The following NAP1L1 variants were observed in gnomAD, a reference collection of about 807,000 sequenced individuals.
NAP1L1 encodes nucleosome assembly protein 1-like 1.
Under a neutral mutation model 58.9 loss-of-function variants are expected in NAP1L1, and 9 were observed. That is an observed-to-expected ratio of 0.15 (90% confidence interval 0.09 to 0.27). The LOEUF is 0.27. Among genes scored for constraint, NAP1L1 ranks in the 10% least tolerant of loss-of-function variants. The pLI is 1.00. For missense variants in NAP1L1, 302 were observed against 458.8 expected, an observed-to-expected ratio of 0.66 and a Z score of 3.12; for synonymous variants, 130 against 138.3, an observed-to-expected ratio of 0.94 and a Z score of 0.42.
chr12:76,077,094 T>C (rs1195046491), intron 1 of NAP1L1, among the ~76,000 whole-genome samples: 1 of 152,222 alleles, frequency 6.6e-6, no homozygotes, highest in Non-Finnish European at 1.5e-5. Context: ...CTTCCAAATT[T>C]AAATTTTTGT....
chr12:76,059,926 A>G, intron 5 of NAP1L1, 48 bp from the exon 6 acceptor site: 1 of 1,413,490 alleles, frequency 7.1e-7, no homozygotes, highest in Non-Finnish European at 9.8e-7. Flanking sequence ...CTGGCATCCA[A>G]GCTAAAACCA....
intron 6 of NAP1L1, chr12:76,059,554 T>C: frequency 2.4e-6 from 1 of 420,394 alleles, no homozygotes; most frequent in Non-Finnish European, 4.2e-6. Flanking sequence ...TTTAAACTGC[T>C]GTGGACACTT....
chr12:76,058,549 G>A (rs1949249009), intron 6 of NAP1L1, among the ~76,000 whole-genome samples: 1 of 151,904 alleles, frequency 6.6e-6, no homozygotes, highest in African/African-American at 2.4e-5. Flanking sequence ...TCCACACCCA[G>A]CTAATATTTT....
intron 1 of NAP1L1, among the ~76,000 whole-genome samples, chr12:76,083,553 G>C (rs34377685): frequency 0.17 from 25,913 of 150,026 alleles, 2,380 homozygotes; most frequent in South Asian, 0.31. Context: ...GGTTGGACAA[G>C]CTTGGTTTAG....
At chr12:76,065,518 A>C (rs1364559905) in intron 4 of NAP1L1, among the ~76,000 whole-genome samples, 1 of 102,596 alleles carries the variant, frequency 9.7e-6, no homozygotes, top group African/African-American at 3.7e-5. Flanking sequence ...AAGTTACTGG[A>C]TACAAGAGCA....
intron 13 of NAP1L1, 141 bp downstream of exon 13, chr12:76,049,615 G>A (rs1948728385): frequency 2.0e-6 from 3 of 1,511,568 alleles, no homozygotes; most frequent in East Asian, 2.4e-5. Context: ...TTGTTTGGCT[G>A]TAGAATTCTA....
Position 76,044,130 on chromosome 12 carries a change from C to A in NAP1L1, c.*4299G>T. 6.6e-6 allele frequency: 1 copy of A among 152,208 alleles called. No individual in the cohort carries two copies. The highest frequency in any genetic ancestry group is 1.5e-5 in the Non-Finnish European group (1 of 68,084). 9.4% of individuals were successfully genotyped at this position (152,208 alleles called of 1,614,324 possible). On this transcript the variant is annotated 3_prime_UTR_variant, in exon 15 of 15. Coordinates refer to ENST00000618691, the MANE Select transcript of NAP1L1 (RefSeq NM_004537.7). ...CAGCCTGGCCAACATGGTGAAAACCCATCTCTACTAAAAGTACAAAAATCA... is the reference window on the plus strand; with the variant it reads ...CAGCCTGGCCAACATGGTGAAAACCAATCTCTACTAAAAGTACAAAAATCA...
At chr12:76,076,445 A>C (rs1327995154) in intron 1 of NAP1L1, among the ~76,000 whole-genome samples, 1 of 151,882 alleles carries the variant, frequency 6.6e-6, no homozygotes, top group Non-Finnish European at 1.5e-5. Context: ...GGAATATGCA[A>C]AAATGGAATG....
chr12:76,083,491 A>C (rs1442027691), intron 1 of NAP1L1, among the ~76,000 whole-genome samples: 2 of 151,530 alleles, frequency 1.3e-5, no homozygotes, highest in East Asian at 1.9e-4. Flanking sequence ...AAAAAAAAAA[A>C]AAAACCTCAT....
In NAP1L1 at chr12:76,068,899, A is replaced by C. The variant is rs1949817791; in HGVS notation, c.103+10T>G. 1 of 1,593,622 alleles carries C rather than the reference A, an allele frequency of 6.3e-7. No individual in the cohort carries two copies. Among genetic ancestry groups the C allele is most frequent in the East Asian group, 2.2e-5 (1 of 44,724 alleles). The stretch of plus-strand genomic sequence containing the variant: ...CAATCACTGGCTCCTGAAGTAATTT[A>C]AAGTAATACCTTTGAGTTTTGTTTC... On this transcript the variant is annotated intron_variant, in intron 3 of 14. Coordinates refer to ENST00000618691, the MANE Select transcript of NAP1L1 (RefSeq NM_004537.7).
At chr12:76,070,677 G>T (rs1238650760) in intron 2 of NAP1L1, among the ~76,000 whole-genome samples, 1 of 152,092 alleles carries the variant, frequency 6.6e-6, no homozygotes, top group Non-Finnish European at 1.5e-5. Flanking sequence ...CATCAGCAGA[G>T]TTGAGTACAG....
intron 1 of NAP1L1, among the ~76,000 whole-genome samples, chr12:76,076,608 G>C (rs1041036709): frequency 8.3e-6 from 1 of 121,166 alleles, no homozygotes; most frequent in Non-Finnish European, 1.8e-5. Flanking sequence ...ACTCATATAC[G>C]CACATACTTT....
chr12:76,052,021 A>T (rs533765122), intron 11 of NAP1L1, among the ~76,000 whole-genome samples: 158 of 152,158 alleles, frequency 1.0e-3, no homozygotes, highest in African/African-American at 3.1e-3. Flanking sequence ...CTCAAAAAAA[A>T]AATAATAATA....
intron 12 of NAP1L1, 59 bp from the exon 13 acceptor site, chr12:76,049,844 A>G: frequency 1.9e-6 from 3 of 1,572,026 alleles, no homozygotes; most frequent in Non-Finnish European, 2.6e-6. Context: ...TCAGAGTAGC[A>G]TCAGTAACAT....
chr12:76,054,947 T>C (rs902604701), intron 8 of NAP1L1, 72 bp downstream of exon 8: 1 of 1,128,408 alleles, frequency 8.9e-7, no homozygotes, highest in South Asian at 1.5e-5. Context: ...TTGAATGTTA[T>C]CTTTTTAAAA....
chr12:76,069,414 T>C (rs191935696), intron 2 of NAP1L1, among the ~76,000 whole-genome samples: 9 of 152,318 alleles, frequency 5.9e-5, no homozygotes, highest in Non-Finnish European at 1.3e-4. Context: ...GACAGCAAGA[T>C]AAAAAAGCAG....
At chr12:76,052,925 G>GATATA (rs1433515614) in intron 11 of NAP1L1, among the ~76,000 whole-genome samples, 166 bp downstream of exon 11, 1 of 152,148 alleles carries the variant, frequency 6.6e-6, no homozygotes, top group East Asian at 1.9e-4. Context: ...CAGAAGCACT[G>GATATA]ATATAATTTT....
intron 8 of NAP1L1, 148 bp from the exon 9 acceptor site, chr12:76,054,057 T>A: frequency 1.0e-6 from 1 of 993,532 alleles, no homozygotes; most frequent in Non-Finnish European, 1.4e-6. Flanking sequence ...TGAGACTGAG[T>A]CTTGCATTGT....
chr12:76,066,750 G>C (rs991911122), intron 4 of NAP1L1, among the ~76,000 whole-genome samples: 1 of 152,026 alleles, frequency 6.6e-6, no homozygotes, highest in African/African-American at 2.4e-5. Context: ...AATACTTAAA[G>C]GCTTCCACAC....
Sources: gnomAD v4.1 joint callset for allele counts (sites outside exome capture counted in the v4.1 genomes callset) on GRCh38, gnomAD v4.1.1 for gene constraint, MANE v1.5 for transcripts, NCBI Gene and HGNC (gene_info 2026-07-23, HGNC 2026-07-21) for gene names.